The following CNNM2 variants were observed in gnomAD, a reference collection of about 807,000 sequenced individuals.
The protein encoded by CNNM2 is cyclin and CBS domain divalent metal cation transport mediator 2, also known as metal transporter CNNM2.
Under a neutral mutation model 66.9 loss-of-function variants are expected in CNNM2, and 12 were observed. That is an observed-to-expected ratio of 0.18 (90% CI 0.11 to 0.29). The LOEUF is 0.29. CNNM2 is among the 10% of genes least tolerant of loss of function. CNNM2 has a pLI of 1.00. For missense variants in CNNM2, 705 were observed against 1,167.7 expected, an observed-to-expected ratio of 0.60 and a Z score of 5.77; for synonymous variants, 557 against 501.8, an observed-to-expected ratio of 1.11 and a Z score of -1.47.
At position 103,054,032 on chromosome 10, in the gene CNNM2, C is replaced by G. The variant is rs926813857; in HGVS notation, c.1766-297C>G. Reference sequence around the variant, plus strand: ...CTGTGGGTCTTGTGAGAGGCTCTGTCAGCATTTGCCTGATGCTGTGCTCAC... The same window carrying G: ...CTGTGGGTCTTGTGAGAGGCTCTGTGAGCATTTGCCTGATGCTGTGCTCAC... On this transcript the variant is annotated intron_variant, in intron 2 of 7. Coordinates refer to ENST00000369878, the MANE Select transcript of CNNM2 (RefSeq NM_017649.5). This position sits in a 1 kb window ranked among gnomAD's most constrained non-coding sequence, Gnocchi z 5.2. Among the ~76,000 whole-genome samples the G allele has an allele frequency of 6.6e-6, 1 of 152,152 alleles. No homozygotes were observed. Among genetic ancestry groups the G allele is most frequent in the Non-Finnish European group, 1.5e-5 (1 of 68,026 alleles).
chr10:103,001,885 C>CT (rs2134256759), intron 1 of CNNM2, among the ~76,000 whole-genome samples: 1 of 152,192 alleles, frequency 6.6e-6, no homozygotes, highest in South Asian at 2.1e-4. Flanking sequence ...ATCCCAGCTA[C>CT]TTGGGAGGCT....
intron 1 of CNNM2, among the ~76,000 whole-genome samples, chr10:102,999,231 C>T (rs1412951056): frequency 2.0e-5 from 3 of 148,168 alleles, no homozygotes; most frequent in South Asian, 2.2e-4. Context: ...TCACCCTGCC[C>T]GGCTAATTTT....
intron 1 of CNNM2, among the ~76,000 whole-genome samples, chr10:102,984,725 T>A (rs1453788778): frequency 6.6e-6 from 1 of 151,806 alleles, no homozygotes; most frequent in Non-Finnish European, 1.5e-5. Context: ...AGTGGTGTGA[T>A]CTCGGCTCAC....
intron 1 of CNNM2, among the ~76,000 whole-genome samples, chr10:102,965,553 T>C (rs2063449375): frequency 1.3e-5 from 2 of 152,214 alleles, no homozygotes; most frequent in South Asian, 2.1e-4. Context: ...GATTTCTTCA[T>C]TGAAGATTGC....
intron 4 of CNNM2, among the ~76,000 whole-genome samples, chr10:103,067,703 G>A (rs1339145601): frequency 6.6e-6 from 1 of 152,064 alleles, no homozygotes; most frequent in Admixed American, 6.5e-5. Flanking sequence ...GTGGACCCTG[G>A]GGTTCCAGGG....
chr10:103,068,460 G>A (rs939568247), intron 4 of CNNM2, 169 bp from the exon 5 acceptor site: 2 of 623,956 alleles, frequency 3.2e-6, no homozygotes, highest in African/African-American at 1.8e-5. Flanking sequence ...CATATTTAAA[G>A]CGAATGAGCC....
intron 1 of CNNM2, among the ~76,000 whole-genome samples, chr10:103,034,670 A>G (rs1227310949): frequency 1.3e-5 from 2 of 152,208 alleles, no homozygotes. Flanking sequence ...AAAACCTTAT[A>G]ATGGAACAGA....
chr10:103,042,497 G>T (rs1022203632), intron 1 of CNNM2, among the ~76,000 whole-genome samples: 7 of 152,174 alleles, frequency 4.6e-5, no homozygotes, highest in Non-Finnish European at 1.0e-4. Flanking sequence ...AGTTTTCCCA[G>T]AGTCTGCTTC....
intron 6 of CNNM2, among the ~76,000 whole-genome samples, chr10:103,073,505 T>G (rs906193325): frequency 5.3e-5 from 8 of 152,130 alleles, no homozygotes; most frequent in African/African-American, 1.9e-4. Flanking sequence ...TCACTGCATG[T>G]GCAAAACCTT....
intron 1 of CNNM2, among the ~76,000 whole-genome samples, chr10:102,994,939 C>T (rs1034019148): frequency 2.6e-5 from 4 of 152,148 alleles, no homozygotes; most frequent in Non-Finnish European, 5.9e-5. Flanking sequence ...ACAGAGCAGA[C>T]GACCTACAAA....
intron 3 of CNNM2, among the ~76,000 whole-genome samples, chr10:103,055,092 C>A (rs763955367): frequency 6.6e-6 from 1 of 152,180 alleles, no homozygotes; most frequent in African/African-American, 2.4e-5. Flanking sequence ...GTTGTTTAAA[C>A]CACCAACCCA....
At chr10:102,938,347 G>A (rs1230067816) in intron 1 of CNNM2, among the ~76,000 whole-genome samples, 1 of 151,708 alleles carries the variant, frequency 6.6e-6, no homozygotes, top group Non-Finnish European at 1.5e-5. Flanking sequence ...GAGAGGCTGA[G>A]GCAGGGGAAT....
Position 102,951,206 on chromosome 10 carries a change from G to GT in CNNM2, c.1621+31113dup, listed in dbSNP as rs1029000744. Among the ~76,000 whole-genome samples, 10 of 149,622 alleles carry GT rather than the reference G, an allele frequency of 6.7e-5. No individual in the cohort carries two copies. In the South Asian group the frequency reaches 1.5e-3, roughly 22 times the overall value. On this transcript the variant is annotated intron_variant, in intron 1 of 7. Transcript: ENST00000369878. Reference sequence around the variant, plus strand: ...AGTTTTACTATATTGGCCAGGCTGGGTTTTTTTTGAGGCGGAGTCTCACTC... The same window carrying GT: ...AGTTTTACTATATTGGCCAGGCTGGGTTTTTTTTTGAGGCGGAGTCTCACTC...
intron 5 of CNNM2, 141 bp from the exon 6 acceptor site, chr10:103,071,633 A>G: frequency 1.3e-6 from 1 of 764,250 alleles, no homozygotes. Flanking sequence ...TTGTTTCTAT[A>G]ATACCATACC....
chr10:102,950,113 A>T (rs1237079342), intron 1 of CNNM2, among the ~76,000 whole-genome samples: 1 of 152,218 alleles, frequency 6.6e-6, no homozygotes, highest in African/African-American at 2.4e-5. Context: ...CACCCAGAGG[A>T]AGGACTTTGG....
Position 103,052,574 on chromosome 10 carries a change from T to C in CNNM2, c.1766-1755T>C, listed in dbSNP as rs10883823. ...TATTGCCCAGGCTGGAGTGCAGTGGTGCAATCTCACCTCACTGCAACCTCC... is the reference window on the plus strand; with the variant it reads ...TATTGCCCAGGCTGGAGTGCAGTGGCGCAATCTCACCTCACTGCAACCTCC... On this transcript the variant is annotated intron_variant, in intron 2 of 7. Coordinates refer to ENST00000369878, the MANE Select transcript of CNNM2 (RefSeq NM_017649.5). Among the ~76,000 whole-genome samples the C allele has an allele frequency of 0.4, 60,407 of 150,588 alleles. 12,286 individuals are homozygous for C. The highest frequency in any genetic ancestry group is 0.49 in the East Asian group (2,441 of 5,004).
intron 1 of CNNM2, among the ~76,000 whole-genome samples, chr10:102,927,779 G>C (rs1334650595): frequency 6.6e-6 from 1 of 152,104 alleles, no homozygotes; most frequent in Admixed American, 6.6e-5. Context: ...GTGGTGGCAG[G>C]CTTTCGAAGG....
chr10:103,024,071 A>G (rs550722120), intron 1 of CNNM2, among the ~76,000 whole-genome samples: 9 of 152,242 alleles, frequency 5.9e-5, no homozygotes, highest in South Asian at 4.1e-4. Flanking sequence ...CATTTTCCCA[A>G]TTGTTCCACA....
chr10:103,004,377 T>C (rs1017035943), intron 1 of CNNM2, among the ~76,000 whole-genome samples: 1 of 152,198 alleles, frequency 6.6e-6, no homozygotes, highest in African/African-American at 2.4e-5. Context: ...TTAGCTATTA[T>C]GAATAGTGTT....
Sources: allele counts gnomAD v4.1 joint callset (sites outside exome capture counted in the v4.1 genomes callset), GRCh38; gene constraint gnomAD v4.1.1; non-coding constraint Gnocchi (gnomAD v3.1); transcripts MANE v1.5; gene names NCBI Gene and HGNC (gene_info 2026-07-23, HGNC 2026-07-21).